The following KCNIP3 variants were observed in gnomAD, a reference collection of about 807,000 sequenced individuals.
KCNIP3 encodes the protein calsenilin.
Under a neutral mutation model 35.0 loss-of-function variants are expected in KCNIP3, and 28 were observed. That is an observed-to-expected ratio of 0.80 (90% CI 0.59 to 1.10). The LOEUF (loss-of-function observed/expected upper bound fraction) is 1.10, where lower values mean the gene tolerates loss of function less well. Among genes scored for constraint, KCNIP3 ranks in the 50% least tolerant of loss-of-function variants. KCNIP3 has a pLI of 0.00. For synonymous variants in KCNIP3, 134 were observed against 133.8 expected (o/e 1.00, Z -0.01); for missense variants, 295 against 338.4 (o/e 0.87, Z 1.01).
intron 2 of KCNIP3, among the ~76,000 whole-genome samples, chr2:95,344,023 G>A (rs995098430): frequency 2.0e-5 from 3 of 152,100 alleles, no homozygotes; most frequent in African/African-American, 7.2e-5. Flanking sequence ...TCACCCCAAG[G>A]ACCAGTGAAC....
intron 4 of KCNIP3, 63 bp from the exon 5 acceptor site, chr2:95,375,074 TG>T: frequency 6.4e-7 from 1 of 1,562,440 alleles, no homozygotes; most frequent in Non-Finnish European, 8.8e-7. Flanking sequence ...TGGGGTTGCC[TG>T]GGGTGGGAGA....
intron 2 of KCNIP3, among the ~76,000 whole-genome samples, chr2:95,348,081 C>T (rs1330138716): frequency 6.6e-6 from 1 of 152,220 alleles, no homozygotes; most frequent in East Asian, 1.9e-4. Context: ...AGGGCTGGCC[C>T]TTTTCCCAAA....
rs757814663 is a variant in KCNIP3, at chr2:95,381,593, T to G, written c.448-3T>G. ...CACGCCCCACACTCTCCTTTCCCCA[T>G]AGGACTTTGTGGTTGGCCTCTCCAT... is the stretch of plus-strand genomic sequence containing the variant. On this transcript the variant is annotated splice_polypyrimidine_tract_variant and splice_region_variant and intron_variant, in intron 5 of 8. Coordinates refer to ENST00000295225, the MANE Select transcript of KCNIP3 (RefSeq NM_013434.5). 2 of 1,609,728 alleles carry G rather than the reference T, an allele frequency of 1.2e-6. No homozygotes were observed. The highest frequency in any genetic ancestry group is 1.7e-5 in the Admixed American group (1 of 59,994).
intron 1 of KCNIP3, among the ~76,000 whole-genome samples, chr2:95,300,971 C>CCCCAGCCTTT (rs1678012218): frequency 6.6e-6 from 1 of 152,242 alleles, no homozygotes; most frequent in African/African-American, 2.4e-5. Flanking sequence ...CCCCAGCCTT[C>CCCCAGCCTTT]CCCAGCCTTT....
chr2:95,310,136 G>T (rs1363160758), intron 1 of KCNIP3: 2 of 679,178 alleles, frequency 2.9e-6, no homozygotes, highest in Admixed American at 2.0e-5. Context: ...TCTTCCAGGG[G>T]TCCCATCTTA....
chr2:95,376,311 G>A lies in KCNIP3; in HGVS notation c.447+1103G>A, dbSNP rs549601043. 7.9e-5 allele frequency among the ~76,000 whole-genome samples: 12 copies of A among 152,340 alleles called. No individual in the cohort carries two copies. In the South Asian group the frequency reaches 2.3e-3, roughly 29 times the overall value. On this transcript the variant is annotated intron_variant, in intron 5 of 8. Transcript: ENST00000295225. This position sits in a 1 kb window ranked among gnomAD's most constrained non-coding sequence, Gnocchi z 4.2. ...AGGCAGTAAAGCATCTTTAGGAAAC[G>A]GTGTAAGGGAGCAGGCGGGGTGCGA...
intron 2 of KCNIP3, among the ~76,000 whole-genome samples, chr2:95,338,640 A>G (rs935378611): frequency 2.6e-5 from 4 of 152,216 alleles, no homozygotes; most frequent in Admixed American, 2.0e-4. Flanking sequence ...GTCGCCCCCA[A>G]TGAAATTAGA....
chr2:95,343,101 T>A (rs1679257574), intron 2 of KCNIP3, among the ~76,000 whole-genome samples: 1 of 151,418 alleles, frequency 6.6e-6, no homozygotes, highest in South Asian at 2.1e-4. Flanking sequence ...GGGAGAACAA[T>A]GCTGTGGCTG....
intron 2 of KCNIP3, among the ~76,000 whole-genome samples, chr2:95,335,847 A>C (rs1679048093): frequency 6.6e-6 from 1 of 151,968 alleles, no homozygotes; most frequent in Non-Finnish European, 1.5e-5. Context: ...CGACCCACAT[A>C]TCCTCCTTAA....
intron 1 of KCNIP3, among the ~76,000 whole-genome samples, chr2:95,307,083 C>A (rs1471201089): frequency 6.6e-6 from 1 of 152,230 alleles, no homozygotes; most frequent in Non-Finnish European, 1.5e-5. Context: ...TCAGAACCCA[C>A]CCCCTGCCTC....
intron 2 of KCNIP3, among the ~76,000 whole-genome samples, chr2:95,315,723 A>G (rs1305737389): frequency 6.6e-6 from 1 of 151,954 alleles, no homozygotes; most frequent in Non-Finnish European, 1.5e-5. Context: ...AGCTCTGTCT[A>G]TAAGTCACCT....
chr2:95,316,085 C>T (rs1678453902), intron 2 of KCNIP3, among the ~76,000 whole-genome samples: 1 of 152,264 alleles, frequency 6.6e-6, no homozygotes, highest in African/African-American at 2.4e-5. Context: ...TGAATGCCAA[C>T]AGGAGAGATT....
chr2:95,315,578 G>A (rs1032556706), intron 2 of KCNIP3, among the ~76,000 whole-genome samples: 1 of 152,142 alleles, frequency 6.6e-6, no homozygotes, highest in African/African-American at 2.4e-5. Flanking sequence ...CCATGAATCA[G>A]TGTAAACCTG....
Position 95,310,357 on chromosome 2 carries a change from A to G in KCNIP3, c.18A>G (p.Glu6=), listed in dbSNP as rs761121397. 8.1e-6 allele frequency: 13 copies of G among 1,611,798 alleles called. No individual in the cohort carries two copies. The South Asian group carries it at 1.3e-4, about 16-fold the overall frequency. MQPAK[E]VTKASDGSLL... ...TGCTCTGCCTGTTCCTACTGCAGGA[A>G]GTGACAAAGGCGTCGGACGGCAGCC... is the stretch of plus-strand genomic sequence containing the variant. The change falls in exon 2 of 9, where the codon GAA becomes GAG. Residue 6 remains glutamate (E), a splice_region_variant and synonymous_variant. Coordinates refer to ENST00000295225, the MANE Select transcript of KCNIP3 (RefSeq NM_013434.5).
intron 2 of KCNIP3, among the ~76,000 whole-genome samples, chr2:95,337,255 C>T (rs1679083623): frequency 6.6e-6 from 1 of 152,074 alleles, no homozygotes; most frequent in Non-Finnish European, 1.5e-5. Flanking sequence ...TCTCTTTTCT[C>T]GAGGATCATT....
At chr2:95,345,007 T>C (rs1212304048) in intron 2 of KCNIP3, among the ~76,000 whole-genome samples, 1 of 152,240 alleles carries the variant, frequency 6.6e-6, no homozygotes, top group African/African-American at 2.4e-5. Context: ...ACAGAGCTGT[T>C]TTCTCTGGGG....
At chr2:95,326,076 AACAC>A (rs1281973510) in intron 2 of KCNIP3, among the ~76,000 whole-genome samples, 1 of 127,980 alleles carries the variant, frequency 7.8e-6, no homozygotes, top group Non-Finnish European at 1.6e-5. Flanking sequence ...CACTCATACT[AACAC>A]ACTCATATAC....
chr2:95,366,140 C>T (rs535809510), intron 2 of KCNIP3, among the ~76,000 whole-genome samples: 60 of 152,070 alleles, frequency 3.9e-4, no homozygotes, highest in Non-Finnish European at 6.3e-4. Flanking sequence ...ACCACCACAC[C>T]GGGCACCTGG....
At chr2:95,317,272 C>A (rs1373479085) in intron 2 of KCNIP3, among the ~76,000 whole-genome samples, 1 of 152,250 alleles carries the variant, frequency 6.6e-6, no homozygotes, top group African/African-American at 2.4e-5. Context: ...ACACCCTCAG[C>A]TGATAATCAC....
Sources: gnomAD v4.1 joint callset for allele counts (sites outside exome capture counted in the v4.1 genomes callset) on GRCh38, gnomAD v4.1.1 for gene constraint, Gnocchi (gnomAD v3.1) non-coding constraint, MANE v1.5 for transcripts, NCBI Gene and HGNC (gene_info 2026-07-23, HGNC 2026-07-21) for gene names.